ZNF181: variants seen among roughly 807,000 people sequenced by gnomAD.
ZNF181 encodes zinc finger protein 181.
Under a neutral mutation model 11.9 loss-of-function variants are expected in ZNF181, and 8 were observed. That is an observed-to-expected ratio of 0.67 (90% CI 0.39 to 1.21). ZNF181 has a LOEUF of 1.21. Ranked by LOEUF, ZNF181 falls within the 50% of genes most tolerant of loss-of-function variation. The pLI, the probability that ZNF181 is intolerant of heterozygous loss-of-function variation, is 0.01. For missense variants in ZNF181, 542 were observed against 670.9 expected, an observed-to-expected ratio of 0.81 and a Z score of 2.12; for synonymous variants, 202 against 221.1, an observed-to-expected ratio of 0.91 and a Z score of 0.77.
chr19:34,740,691 A>G lies in ZNF181; in HGVS notation c.310A>G (p.Ile104Val). Residue 104 changes from isoleucine (I) to valine (V), a missense_variant, in exon 4 of 4, where the codon ATA becomes GTA. Ile to Val is a conservative substitution (Grantham distance 29). Transcript: ENST00000492450. ...TGAAGATTCACCCCAAACAGTAATAATAGAAAAAGTTGTAAAACAAAGTTA... is the reference window on the plus strand; with the variant it reads ...TGAAGATTCACCCCAAACAGTAATAGTAGAAAAAGTTGTAAAACAAAGTTA... ...YDEDSPQTVI[I>V]EKVVKQSYEF... is the part of the protein sequence containing the mutation. The G allele has an allele frequency of 6.2e-7, 1 of 1,612,656 alleles. No individual in the cohort carries two copies. Among genetic ancestry groups the G allele is most frequent in the African/African-American group, 1.3e-5 (1 of 74,948 alleles).
chr19:34,739,210 T>C lies in ZNF181; in HGVS notation c.72T>C (p.Ala24=). The part of the protein sequence containing the change: ...THEEWGWLSS[A]QRDLYKDVMV... ...AAGAGTGGGGATGGCTCAGTTCTGC[T>C]CAGAGGGACTTATACAAGGATGTGA... Residue 24 remains alanine, a synonymous_variant, in exon 2 of 4, where the codon GCT becomes GCC. Coordinates refer to ENST00000492450, the MANE Select transcript of ZNF181 (RefSeq NM_001029997.4). The C allele has an allele frequency of 6.2e-7, 1 of 1,613,862 alleles. No individual in the cohort carries two copies. The highest frequency in any genetic ancestry group is 8.5e-7 in the Non-Finnish European group (1 of 1,179,754).
At position 34,740,851 on chromosome 19, in the gene ZNF181, A is replaced by G; in HGVS notation, c.470A>G (p.Tyr157Cys). The change falls in exon 4 of 4, where the codon TAC (tyrosine) becomes TGC (cysteine). Residue 157 changes from tyrosine to cysteine, a missense_variant. Transcript: ENST00000492450. ...ESPTADSVYK[Y>C]NIFRSTFHSK... ...CCCACTGCAGACAGTGTTTACAAAT[A>G]CAATATATTTAGAAGCACCTTTCAT... The G allele has an allele frequency of 1.9e-6, 3 of 1,614,082 alleles. No homozygotes were observed. The highest frequency in any genetic ancestry group is 2.5e-6 in the Non-Finnish European group (3 of 1,179,984).
At chr19:34,740,431 CTG>C (rs1600142950) in intron 3 of ZNF181, among the ~76,000 whole-genome samples, 178 bp from the exon 4 acceptor site, 2 of 152,178 alleles carry the variant, frequency 1.3e-5, no homozygotes, top group East Asian at 3.9e-4. Flanking sequence ...TCTGTGAACT[CTG>C]TATTCTCTGC....
chr19:34,741,641 TG>T lies in ZNF181; in HGVS notation c.1261del (p.Val421PhefsTer28), dbSNP rs2068978943. 6.2e-7 allele frequency: 1 copy of T among 1,613,790 alleles called. No individual in the cohort carries two copies. The part of the protein sequence containing the change: ...LKVFSSLSFL[V>X]QHQSIHTEEK... ...AAGTCTTTAGTAGCCTCTCATTTCT[TG>T]TTCAGCATCAGAGTATTCATACTGA... On this transcript the variant is annotated frameshift_variant, in exon 4 of 4. Coordinates refer to ENST00000492450, the MANE Select transcript of ZNF181 (RefSeq NM_001029997.4). LOFTEE classifies it low-confidence loss of function (END_TRUNC).
intron 3 of ZNF181, among the ~76,000 whole-genome samples, chr19:34,740,037 CAT>C (rs1409515775): frequency 6.6e-6 from 1 of 152,128 alleles, no homozygotes; most frequent in Non-Finnish European, 1.5e-5. Context: ...AAAAAATGAA[CAT>C]ATATAAATAT....
rs1186202147 is a variant in ZNF181 at position 34,742,587 on chromosome 19, G to A, written c.*490G>A. ...AGATTAATGGTAGAACAACCTGAAG[G>A]ATTTAGGAGTTATGTGTAAATCTTT... On this transcript the variant is annotated 3_prime_UTR_variant, in exon 4 of 4. Transcript: ENST00000492450. 1 of 152,428 alleles carries A rather than the reference G, an allele frequency of 6.6e-6. No individual in the cohort carries two copies. The highest frequency in any genetic ancestry group is 6.5e-5 in the Admixed American group (1 of 15,302). The allele number at this position is 152,428 out of a possible 1,614,324, so 9.4% of individuals were successfully genotyped here.
chr19:34,742,472 C>G lies in ZNF181; in HGVS notation c.*375C>G, dbSNP rs1315208057. ...TTCAGTTCCAAGTATATCCCTTATT[C>G]TACAGCAGAGAACTCAAAATGGAGA... On this transcript the variant is annotated 3_prime_UTR_variant, in exon 4 of 4. Coordinates refer to ENST00000492450, the MANE Select transcript of ZNF181 (RefSeq NM_001029997.4). 1 of 158,304 alleles carries G rather than the reference C, an allele frequency of 6.3e-6. No individual in the cohort carries two copies. Among genetic ancestry groups the G allele is most frequent in the Non-Finnish European group, 1.4e-5 (1 of 71,954 alleles). 9.8% of individuals were successfully genotyped at this position (158,304 alleles called of 1,614,324 possible).
Position 34,742,102 on chromosome 19 carries a change from G to C in ZNF181, c.*5G>C. 1 of 1,533,594 alleles carries C rather than the reference G, an allele frequency of 6.5e-7. No individual in the cohort carries two copies. Among genetic ancestry groups the C allele is most frequent in the South Asian group, 1.3e-5 (1 of 76,264 alleles). 95.0% of individuals were successfully genotyped at this position (1,533,594 alleles called of 1,614,324 possible). Reference sequence around the variant, plus strand: ...TACAGAAGAGAAACTGTATGAAGCAGTGGTTATCATGGTAAATTTCCTAGA... The same window carrying C: ...TACAGAAGAGAAACTGTATGAAGCACTGGTTATCATGGTAAATTTCCTAGA... On this transcript the variant is annotated 3_prime_UTR_variant, in exon 4 of 4. Coordinates refer to ENST00000492450, the MANE Select transcript of ZNF181 (RefSeq NM_001029997.4).
At chr19:34,735,465 C>T (rs1438078261) in intron 1 of ZNF181, among the ~76,000 whole-genome samples, 1 of 150,608 alleles carries the variant, frequency 6.6e-6, no homozygotes, top group Non-Finnish European at 1.5e-5. Flanking sequence ...CAGAATCTGA[C>T]CATTAGTTAC....
Position 34,744,636 on chromosome 19 carries a change from G to C in ZNF181, c.*2539G>C, listed in dbSNP as rs766757085. The C allele has an allele frequency of 5.3e-5, 8 of 152,156 alleles. No homozygotes were observed. Among genetic ancestry groups the C allele is most frequent in the Non-Finnish European group, 8.8e-5 (6 of 68,074 alleles). The allele number at this position is 152,156 out of a possible 1,614,324, so 9.4% of individuals were successfully genotyped here. A position where few individuals can be genotyped will look rare whatever the true frequency, so the allele number is the denominator to read the frequency against. Reference sequence around the variant, plus strand: ...CATCACACCACTGCTTTCCAGCCTGGACAGCAGAACACCACCCTGTCTCCA... The same window carrying C: ...CATCACACCACTGCTTTCCAGCCTGCACAGCAGAACACCACCCTGTCTCCA... On this transcript the variant is annotated 3_prime_UTR_variant, in exon 4 of 4. Transcript: ENST00000492450.
chr19:34,741,850 A>C lies in ZNF181; in HGVS notation c.1469A>C (p.Glu490Ala), dbSNP rs1323482922. ...ATTCATACTGGAGAGAAACCTTATG[A>C]ATGTATTAAATGTGGGAAGACCTTC... ...HRIHTGEKPY[E>A]CIKCGKTFSC... Residue 490 changes from glutamate (E) to alanine (A), a missense_variant, in exon 4 of 4, where the codon GAA becomes GCA. Transcript: ENST00000492450. The C allele has an allele frequency of 6.2e-7, 1 of 1,613,958 alleles. No individual in the cohort carries two copies. Among genetic ancestry groups the C allele is most frequent in the Admixed American group, 1.7e-5 (1 of 59,960 alleles).
Position 34,742,811 on chromosome 19 carries a change from A to C in ZNF181, c.*714A>C, listed in dbSNP as rs1480148625. The C allele has an allele frequency of 6.6e-6, 1 of 152,200 alleles. No individual in the cohort carries two copies. The highest frequency in any genetic ancestry group is 1.5e-5 in the Non-Finnish European group (1 of 68,040). 9.4% of individuals were successfully genotyped at this position (152,200 alleles called of 1,614,324 possible). A position where few individuals can be genotyped will look rare whatever the true frequency, so the allele number is the denominator to read the frequency against. On this transcript the variant is annotated 3_prime_UTR_variant, in exon 4 of 4. Transcript: ENST00000492450. Reference sequence around the variant, plus strand: ...TAATATTGAAAATTAAAGCTGCAAAAGAAATAAAGTGATGTTAATAAAAGT... The same window carrying C: ...TAATATTGAAAATTAAAGCTGCAAACGAAATAAAGTGATGTTAATAAAAGT...
Position 34,743,417 on chromosome 19 carries a change from G to C in ZNF181, c.*1320G>C, listed in dbSNP as rs1016365076. The C allele has an allele frequency of 1.3e-5, 2 of 152,220 alleles. No individual in the cohort carries two copies. Among genetic ancestry groups the C allele is most frequent in the African/African-American group, 4.8e-5 (2 of 41,458 alleles). 9.4% of individuals were successfully genotyped at this position (152,220 alleles called of 1,614,324 possible). Reference sequence around the variant, plus strand: ...AGAAACAACATACTACAAGAGATCAGAGCAGGCTTAGCGAGATGTGATTTT... The same window carrying C: ...AGAAACAACATACTACAAGAGATCACAGCAGGCTTAGCGAGATGTGATTTT... On this transcript the variant is annotated 3_prime_UTR_variant, in exon 4 of 4. Transcript: ENST00000492450.
Position 34,734,928 on chromosome 19 carries a change from G to T in ZNF181, c.-110G>T. 1.6e-6 allele frequency: 2 copies of T among 1,213,578 alleles called. No homozygotes were observed. The highest frequency in any genetic ancestry group is 2.9e-5 in the South Asian group (2 of 69,964). The allele number at this position is 1,213,578 out of a possible 1,614,324, so 75.2% of individuals were successfully genotyped here. Reference sequence around the variant, plus strand: ...GTCACAGGTGCCGCAAGATAAGCCTGATTTTTCATGACTGCTTTTTCCTGC... The same window carrying T: ...GTCACAGGTGCCGCAAGATAAGCCTTATTTTTCATGACTGCTTTTTCCTGC... On this transcript the variant is annotated 5_prime_UTR_variant, in exon 1 of 4. Transcript: ENST00000492450.
Position 34,734,627 on chromosome 19 carries a change from C to T in ZNF181, c.-411C>T, listed in dbSNP as rs2862789. 59,410 of 181,446 alleles carry T rather than the reference C, an allele frequency of 0.33. 10,048 individuals carry two copies. Among genetic ancestry groups the T allele is most frequent in the African/African-American group, 0.39 (16,326 of 42,304 alleles). 11.2% of individuals were successfully genotyped at this position (181,446 alleles called of 1,614,324 possible). On this transcript the variant is annotated 5_prime_UTR_variant, in exon 1 of 4. Transcript: ENST00000492450. ...CGCTCTACAGTTGTGTAACCTTGAA[C>T]AAATGGGTTCAGTATCTTGGAATTT... is the stretch of plus-strand genomic sequence containing the variant.
At position 34,744,244 on chromosome 19, in the gene ZNF181, GT is replaced by G. The variant is rs2069015194; in HGVS notation, c.*2150del. The G allele has an allele frequency of 6.6e-6, 1 of 152,058 alleles. No individual in the cohort carries two copies. The highest frequency in any genetic ancestry group is 2.1e-4 in the South Asian group (1 of 4,830). The allele number at this position is 152,058 out of a possible 1,614,324, so 9.4% of individuals were successfully genotyped here. A position where few individuals can be genotyped will look rare whatever the true frequency, so the allele number is the denominator to read the frequency against. On this transcript the variant is annotated 3_prime_UTR_variant, in exon 4 of 4. Transcript: ENST00000492450. ...AATAGCAATTTGCAAGAGACAGTAG[GT>G]TTGGAATGGGGTGGTAAACTTTTAC...
At position 34,741,548 on chromosome 19, in the gene ZNF181, C is replaced by T; in HGVS notation, c.1167C>T (p.Ser389=). ...CRECGKAFCC[S]SHLTRHQRIH... is the part of the protein sequence containing the mutation. ...AATGTGGGAAAGCTTTCTGCTGTAG[C>T]TCACACCTTACTCGACATCAAAGAA... is the stretch of plus-strand genomic sequence containing the variant. Residue 389 remains serine, a synonymous_variant, in exon 4 of 4, where the codon AGC becomes AGT. Transcript: ENST00000492450. 6.2e-7 allele frequency: 1 copy of T among 1,613,950 alleles called. No homozygotes were observed. The highest frequency in any genetic ancestry group is 8.5e-7 in the Non-Finnish European group (1 of 1,179,944).
chr19:34,739,304 A>C (rs775560654), intron 2 of ZNF181, 36 bp downstream of exon 2: 13 of 1,608,070 alleles, frequency 8.1e-6, no homozygotes, highest in Non-Finnish European at 1.1e-5. Context: ...AGTAGGGGAC[A>C]CCTTTCTTTT....
rs559485269 is a variant in ZNF181 at position 34,738,114 on chromosome 19, A to G, written c.10-1034A>G. 6.6e-4 allele frequency among the ~76,000 whole-genome samples: 100 copies of G among 152,280 alleles called. 2 individuals are homozygous for G. Among genetic ancestry groups the G allele is most frequent in the African/African-American group, 2.4e-3 (99 of 41,540 alleles). ...CAAAGTTTAAGTATACACCATAAATATATTTTTCTTTTTTGTTTATGAATC... is the reference window on the plus strand; with the variant it reads ...CAAAGTTTAAGTATACACCATAAATGTATTTTTCTTTTTTGTTTATGAATC... On this transcript the variant is annotated intron_variant, in intron 1 of 3. Coordinates refer to ENST00000492450, the MANE Select transcript of ZNF181 (RefSeq NM_001029997.4).
Sources: gnomAD v4.1 joint callset for allele counts (sites outside exome capture counted in the v4.1 genomes callset) on GRCh38, gnomAD v4.1.1 for gene constraint, MANE v1.5 for transcripts, NCBI Gene and HGNC (gene_info 2026-07-23, HGNC 2026-07-21) for gene names.